The following C1QTNF1 variants were observed in gnomAD, a reference collection of about 807,000 sequenced individuals.
C1QTNF1 encodes complement C1q tumor necrosis factor-related protein 1.
C1QTNF1 carries 22 observed loss-of-function variants against 27.8 expected under a neutral mutation model. That is an observed-to-expected ratio of 0.79 (90% confidence interval 0.56 to 1.13). The LOEUF is 1.13. C1QTNF1 is among the 50% of genes most tolerant of loss of function. The probability of loss-of-function intolerance (pLI) is 0.00; values close to 1 mark genes in which losing one functional copy is unlikely to be tolerated. For missense variants in C1QTNF1, 373 were observed against 380.2 expected (o/e 0.98, Z 0.16); for synonymous variants, 166 against 154.3 (o/e 1.08, Z -0.56).
At chr17:79,036,750 C>T (rs1255368911) in intron 1 of C1QTNF1, among the ~76,000 whole-genome samples, 1 of 152,174 alleles carries the variant, frequency 6.6e-6, no homozygotes, top group Admixed American at 6.5e-5. Context: ...GGTTGAATCA[C>T]TTCCTCCCAA....
At chr17:79,043,379 G>C in intron 1 of C1QTNF1, 1 of 453,748 alleles carries the variant, frequency 2.2e-6, no homozygotes. Flanking sequence ...TGTGTGGACT[G>C]TGTATGTGCA....
At chr17:79,038,974 C>A (rs533364468) in intron 1 of C1QTNF1, among the ~76,000 whole-genome samples, 1 of 152,324 alleles carries the variant, frequency 6.6e-6, no homozygotes, top group South Asian at 2.1e-4. Flanking sequence ...GAGCCACCAC[C>A]GCCAAAGTGG....
Position 79,030,507 on chromosome 17 carries a change from TTCTTTCTTTCTTTC to T in C1QTNF1, c.-15+6015_-15+6028del, listed in dbSNP as rs1357299838. Among the ~76,000 whole-genome samples the T allele has an allele frequency of 2.3e-4, 33 of 143,434 alleles. 1 individual carries two copies. The highest frequency in any genetic ancestry group is 8.6e-4 in the African/African-American group (33 of 38,430). 94.1% of individuals were successfully genotyped at this position (143,434 alleles called of 152,430 possible). Reference sequence around the variant, plus strand: ...TCTTTTTCTTTCTTTCTTTCTTTCTTTCTTTCTTTCTTTCTTTCTTTCTTCTTTCTTTCTTTTTC... The same window carrying T: ...TCTTTTTCTTTCTTTCTTTCTTTCTTTTTCTTTCTTCTTTCTTTCTTTTTC... On this transcript the variant is annotated intron_variant, in intron 1 of 3. Transcript: ENST00000579760.
At chr17:79,023,943 G>A (rs1249037347), upstream of C1QTNF1, 1 of 152,262 alleles carries the variant, frequency 6.6e-6, no homozygotes, top group East Asian at 1.9e-4. Context: ...CCCATCCTGC[G>A]GGGGGCATTC....
At chr17:79,039,278 T>C (rs1426482494) in intron 1 of C1QTNF1, among the ~76,000 whole-genome samples, 2 of 152,208 alleles carry the variant, frequency 1.3e-5, no homozygotes, top group South Asian at 4.1e-4. Flanking sequence ...GTGGGGACAG[T>C]CCAGGGTTAC....
intron 1 of C1QTNF1, among the ~76,000 whole-genome samples, chr17:79,035,093 G>A (rs547227948): frequency 2.0e-5 from 3 of 152,298 alleles, no homozygotes; most frequent in East Asian, 3.9e-4. Context: ...TTGGTCATTG[G>A]GCAATTAGTG....
intron 1 of C1QTNF1, among the ~76,000 whole-genome samples, chr17:79,037,980 C>A (rs974403109): frequency 1.3e-5 from 2 of 150,316 alleles, no homozygotes; most frequent in Admixed American, 1.3e-4. Context: ...ACAAGGGATA[C>A]AATTTTTTTC....
rs1217526959 is a variant in C1QTNF1 at position 79,043,938 on chromosome 17, TG to T, written c.-14-16del. On this transcript the variant is annotated splice_polypyrimidine_tract_variant and intron_variant, in intron 1 of 3. Transcript: ENST00000579760. ...TTCCTAACTCGGTGCCTTCCCTGTGTGTTTCTTTCCCACCAGGGCCCGGCAG... is the reference window on the plus strand; with the variant it reads ...TTCCTAACTCGGTGCCTTCCCTGTGTTTTCTTTCCCACCAGGGCCCGGCAG... The T allele has an allele frequency of 6.2e-7, 1 of 1,613,248 alleles. No individual in the cohort carries two copies. Among genetic ancestry groups the T allele is most frequent in the South Asian group, 1.1e-5 (1 of 91,070 alleles).
intron 1 of C1QTNF1, among the ~76,000 whole-genome samples, chr17:79,029,441 G>A (rs748119441): frequency 4.3e-4 from 66 of 152,220 alleles, no homozygotes; most frequent in Non-Finnish European, 8.5e-4. Context: ...GTATTCTAAG[G>A]ATTAGGCATT....
At chr17:79,025,238 C>T (rs901730957) in intron 1 of C1QTNF1, among the ~76,000 whole-genome samples, 142 of 152,324 alleles carry the variant, frequency 9.3e-4, no homozygotes, top group African/African-American at 3.3e-3. Flanking sequence ...GCTTCTCCAC[C>T]GGTGCAGGTG....
chr17:79,044,772 G>A (rs909466337), intron 2 of C1QTNF1, among the ~76,000 whole-genome samples: 4 of 152,196 alleles, frequency 2.6e-5, no homozygotes, highest in Admixed American at 6.5e-5. Flanking sequence ...CTGGAGACCC[G>A]GCGACAGCTC....
chr17:79,044,527 A>C (rs2072515907), intron 2 of C1QTNF1, among the ~76,000 whole-genome samples: 1 of 152,116 alleles, frequency 6.6e-6, no homozygotes, highest in Non-Finnish European at 1.5e-5. Context: ...GCCTTAGGAG[A>C]GATGCTGGAC....
At chr17:79,027,287 T>C (rs2071994958) in intron 1 of C1QTNF1, 1 of 152,330 alleles carries the variant, frequency 6.6e-6, no homozygotes, top group African/African-American at 2.4e-5. Context: ...CCTGCTGAAA[T>C]TGGCCTGCTG....
At chr17:79,030,488 TC>T (rs764693023) in intron 1 of C1QTNF1, among the ~76,000 whole-genome samples, 25 of 63,530 alleles carry the variant, frequency 3.9e-4, no homozygotes. Context: ...TCTTTCTTTT[TC>T]TTTCTTTCTT....
Position 79,047,574 on chromosome 17 carries a change from G to A in C1QTNF1, c.332G>A (p.Gly111Glu). 6.5e-7 allele frequency: 1 copy of A among 1,535,992 alleles called. No individual in the cohort carries two copies. Among genetic ancestry groups the A allele is most frequent in the East Asian group, 2.3e-5 (1 of 44,218 alleles). ...GACCGCGGAGATCGAGGCCTCCAAGGGAAATATGGCAAAACAGGCTCAGCA... is the reference window on the plus strand; with the variant it reads ...GACCGCGGAGATCGAGGCCTCCAAGAGAAATATGGCAAAACAGGCTCAGCA... ...KGDRGDRGLQ[G>E]KYGKTGSAGA... is the part of the protein sequence containing the mutation. The change falls in exon 4 of 4, where the codon GGG (glycine) becomes GAG (glutamate). Residue 111 changes from glycine to glutamate, a missense_variant. Gly to Glu is a moderately conservative substitution (Grantham distance 98). Transcript: ENST00000579760.
At chr17:79,043,893 C>G (rs935113828) in intron 1 of C1QTNF1, 62 bp from the exon 2 acceptor site, 8 of 1,584,168 alleles carry the variant, frequency 5.0e-6, no homozygotes, top group Non-Finnish European at 6.9e-6. Context: ...AATTTTCAGG[C>G]TGTTTCTCTG....
At chr17:79,028,412 G>A (rs1232755213) in intron 1 of C1QTNF1, among the ~76,000 whole-genome samples, 2 of 152,178 alleles carry the variant, frequency 1.3e-5, no homozygotes, top group African/African-American at 2.4e-5. Context: ...GTCAGAAGGC[G>A]GGCAGGGCCC....
In C1QTNF1 at chr17:79,046,698, A is replaced by G. The variant is rs748365298; in HGVS notation, c.295+4A>G. 3 of 1,614,174 alleles carry G rather than the reference A, an allele frequency of 1.9e-6. No homozygotes were observed. Among genetic ancestry groups the G allele is most frequent in the Non-Finnish European group, 2.5e-6 (3 of 1,180,008 alleles). On this transcript the variant is annotated splice_donor_region_variant and intron_variant, in intron 3 of 3. Coordinates refer to ENST00000579760, the MANE Select transcript of C1QTNF1 (RefSeq NM_030968.5). This position sits in a 1 kb window ranked among gnomAD's most constrained non-coding sequence, Gnocchi z 4.8. ...ATCAACATCACTATCTTGAAAGGTC[A>G]GATGGCTGCAAAGACAAGCACGGGG...
chr17:79,038,706 A>G (rs76125876), intron 1 of C1QTNF1, among the ~76,000 whole-genome samples: 3,568 of 152,244 alleles, frequency 0.023, 119 homozygotes, highest in African/African-American at 0.081. Flanking sequence ...TGCCTAACAC[A>G]TTCTTCCAGA....
Sources: gnomAD v4.1 joint callset for allele counts (sites outside exome capture counted in the v4.1 genomes callset) on GRCh38, gnomAD v4.1.1 for gene constraint, Gnocchi (gnomAD v3.1) non-coding constraint, MANE v1.5 for transcripts, NCBI Gene and HGNC (gene_info 2026-07-23, HGNC 2026-07-21) for gene names.